H6PD: variants seen among roughly 807,000 people sequenced by gnomAD.
H6PD encodes hexose-6-phosphate dehydrogenase/glucose 1-dehydrogenase.
In H6PD, 48 loss-of-function variants were observed where a neutral mutation model predicts 61.2. The ratio of observed to expected loss-of-function variants is 0.78; its 90% confidence interval spans 0.62 to 1.00. H6PD has a LOEUF of 1.00. H6PD is among the 50% of genes least tolerant of loss of function. The pLI is 0.00. For synonymous variants in H6PD, 480 were observed against 457.9 expected, an observed-to-expected ratio of 1.05 and a Z score of -0.62; for missense variants, 1,093 against 1,065.0, an observed-to-expected ratio of 1.03 and a Z score of -0.37.
At position 9,264,852 on chromosome 1, in the gene H6PD, G is replaced by A. The variant is rs755938202; in HGVS notation, c.2359G>A (p.Asp787Asn). 67 of 1,611,850 alleles carry A rather than the reference G, an allele frequency of 4.2e-5. No homozygotes were observed. The highest frequency in any genetic ancestry group is 6.7e-5 in the Admixed American group (4 of 60,004). Residue 787 changes from aspartate to asparagine, a missense_variant, in exon 5 of 5, where the codon GAC becomes AAC. Asp to Asn is a conservative substitution (Grantham distance 23, BLOSUM62 1). Coordinates refer to ENST00000377403, the MANE Select transcript of H6PD (RefSeq NM_004285.4). ...SGQLVWYMDYDAFLG is the reference protein window; with the variant it reads ...SGQLVWYMDYNAFLG The stretch of plus-strand genomic sequence containing the variant: ...CCAGCTGGTGTGGTACATGGACTAC[G>A]ACGCCTTCCTGGGATGAGGGCGCCT...
chr1:9,263,934 G>T lies in H6PD; in HGVS notation c.1441G>T (p.Ala481Ser), dbSNP rs905462770. The change falls in exon 5 of 5, where the codon GCC (alanine) becomes TCC (serine). Residue 481 changes from alanine (A) to serine (S), a missense_variant. By Grantham distance (99) the Ala-to-Ser change is moderately conservative. Transcript: ENST00000377403. Reference protein sequence around the residue: ...NFFITTENLLASWNFWTPLLE... With the variant: ...NFFITTENLLSSWNFWTPLLE... ...CTTCATCACCACAGAGAACTTGCTG[G>T]CCTCCTGGAACTTCTGGACCCCTCT... is the stretch of plus-strand genomic sequence containing the variant. 4 of 1,614,058 alleles carry T rather than the reference G, an allele frequency of 2.5e-6. No homozygotes were observed. The highest frequency in any genetic ancestry group is 3.4e-6 in the Non-Finnish European group (4 of 1,180,036).
In H6PD at chr1:9,264,195, G is replaced by T; in HGVS notation, c.1702G>T (p.Ala568Ser). The T allele has an allele frequency of 6.2e-7, 1 of 1,611,514 alleles. No individual in the cohort carries two copies. The highest frequency in any genetic ancestry group is 8.5e-7 in the Non-Finnish European group (1 of 1,178,800). Residue 568 changes from alanine to serine, a missense_variant, in exon 5 of 5, where the codon GCT becomes TCT. Transcript: ENST00000377403. ...GTCCGAGGAGCTGATCTCTAAGCTG[G>T]CTAATGACATCGAGGCCACCGCTGT... ...AWSEELISKL[A>S]NDIEATAVRA...
rs1641457344 is a variant in H6PD at position 9,254,487 on chromosome 1, A to G, written c.745+7404A>G. On this transcript the variant is annotated intron_variant, in intron 3 of 4. Coordinates refer to ENST00000377403, the MANE Select transcript of H6PD (RefSeq NM_004285.4). The surrounding 1 kb of genome is among the most constrained non-coding windows in gnomAD (Gnocchi z 4.6). ...TCCAGCCAGTCACCAAGTAGTTTGTATTCATCTGCTATAATAACTTCTTTG... is the reference window on the plus strand; with the variant it reads ...TCCAGCCAGTCACCAAGTAGTTTGTGTTCATCTGCTATAATAACTTCTTTG... Among the ~76,000 whole-genome samples the G allele has an allele frequency of 1.3e-5, 2 of 152,226 alleles. No homozygotes were observed. The highest frequency in any genetic ancestry group is 6.5e-5 in the Admixed American group (1 of 15,284).
Position 9,244,920 on chromosome 1 carries a change from C to A in H6PD, c.-10-5C>A. On this transcript the variant is annotated splice_polypyrimidine_tract_variant and splice_region_variant and intron_variant, in intron 1 of 4. Transcript: ENST00000377403. ...GTTCCTCGTCTGTCTCTCTTTGCAC[C>A]CCAGGCACCCAGGCATGTGGAATAT... The A allele has an allele frequency of 8.5e-7, 1 of 1,182,498 alleles. No homozygotes were observed. The highest frequency in any genetic ancestry group is 1.2e-6 in the Non-Finnish European group (1 of 861,912). The allele number at this position is 1,182,498 out of a possible 1,614,324, so 73.3% of individuals were successfully genotyped here.
intron 3 of H6PD, among the ~76,000 whole-genome samples, chr1:9,255,279 A>AT (rs59531924): frequency 0.48 from 72,657 of 151,564 alleles, 18,191 homozygotes; most frequent in African/African-American, 0.64. Context: ...TTATTTATTT[A>AT]TTTTTTATTT....
intron 3 of H6PD, among the ~76,000 whole-genome samples, chr1:9,247,335 C>T (rs1425212741): frequency 1.3e-5 from 2 of 152,176 alleles, no homozygotes; most frequent in Admixed American, 6.5e-5. Context: ...ACCACTGGCA[C>T]GCGGTAGAGG....
At chr1:9,238,457 G>A (rs1188395671) in intron 1 of H6PD, among the ~76,000 whole-genome samples, 2 of 152,192 alleles carry the variant, frequency 1.3e-5, no homozygotes, top group East Asian at 1.9e-4. Context: ...TAATCCAGAC[G>A]GAGATGACGG....
At chr1:9,263,378 T>C in intron 4 of H6PD, 131 bp from the exon 5 acceptor site, 1 of 840,730 alleles carries the variant, frequency 1.2e-6, no homozygotes, top group East Asian at 2.4e-5. Flanking sequence ...AGGCGAGGGG[T>C]GAGCATGGCA....
chr1:9,248,852 C>T (rs973000874), intron 3 of H6PD, among the ~76,000 whole-genome samples: 2 of 152,236 alleles, frequency 1.3e-5, no homozygotes, highest in Non-Finnish European at 2.9e-5. Context: ...GAATCGTCCT[C>T]CAGCCCTTCC....
At chr1:9,256,838 CT>C (rs1641535740) in intron 3 of H6PD, among the ~76,000 whole-genome samples, 1 of 152,182 alleles carries the variant, frequency 6.6e-6, no homozygotes, top group Non-Finnish European at 1.5e-5. Flanking sequence ...TCATCTTACA[CT>C]TCCAAATTGT....
chr1:9,236,242 G>A (rs1640846082), intron 1 of H6PD, among the ~76,000 whole-genome samples: 3 of 151,984 alleles, frequency 2.0e-5, no homozygotes. Context: ...CCACCACCTC[G>A]GCCTCCCAAA....
chr1:9,253,310 A>G (rs1641425499), intron 3 of H6PD, among the ~76,000 whole-genome samples: 2 of 152,228 alleles, frequency 1.3e-5, no homozygotes, highest in Admixed American at 1.3e-4. Context: ...CTTTTTGAGA[A>G]TTGAGAGAGG....
At chr1:9,237,613 GGTT>G (rs1375749193) in intron 1 of H6PD, among the ~76,000 whole-genome samples, 1 of 152,138 alleles carries the variant, frequency 6.6e-6, no homozygotes, top group African/African-American at 2.4e-5. Flanking sequence ...TACCTCATAT[GGTT>G]GTGGCAAGAT....
At chr1:9,256,488 G>A (rs1183452595) in intron 3 of H6PD, among the ~76,000 whole-genome samples, 1 of 152,290 alleles carries the variant, frequency 6.6e-6, no homozygotes, top group South Asian at 2.1e-4. Context: ...TTCAGGGCAG[G>A]TTGTTCCCCC....
chr1:9,234,946 G>A lies in H6PD; in HGVS notation c.-131G>A, dbSNP rs1302494445. The A allele has an allele frequency of 6.8e-6, 1 of 147,928 alleles. No individual in the cohort carries two copies. The highest frequency in any genetic ancestry group is 2.0e-4 in the East Asian group (1 of 5,122). The allele number at this position is 147,928 out of a possible 1,614,324, so 9.2% of individuals were successfully genotyped here. ...TGACACGCGCACTTGTCGGAGTGACGGGCCCTGCGGAAGAGGAGGTGCGGC... is the reference window on the plus strand; with the variant it reads ...TGACACGCGCACTTGTCGGAGTGACAGGCCCTGCGGAAGAGGAGGTGCGGC... On this transcript the variant is annotated 5_prime_UTR_variant, in exon 1 of 5. Transcript: ENST00000377403.
Position 9,269,605 on chromosome 1 carries a change from C to T in H6PD, c.*4736C>T, listed in dbSNP as rs939915416. 1 of 152,306 alleles carries T rather than the reference C, an allele frequency of 6.6e-6. No homozygotes were observed. The highest frequency in any genetic ancestry group is 2.4e-5 in the African/African-American group (1 of 41,462). The allele number at this position is 152,306 out of a possible 1,614,324, so 9.4% of individuals were successfully genotyped here. On this transcript the variant is annotated 3_prime_UTR_variant, in exon 5 of 5. Coordinates refer to ENST00000377403, the MANE Select transcript of H6PD (RefSeq NM_004285.4). This position sits in a 1 kb window ranked among gnomAD's most constrained non-coding sequence, Gnocchi z 4.3. ...GGTGTCAGTCGGCACAGTCCAGTGT[C>T]CATCTGCATTTGCTCATGCAGAGGG...
intron 3 of H6PD, among the ~76,000 whole-genome samples, chr1:9,259,600 AC>A (rs1570115587): frequency 6.6e-6 from 1 of 151,774 alleles, no homozygotes; most frequent in Non-Finnish European, 1.5e-5. Context: ...CAGTGTTGTT[AC>A]GTTGCTGTTA....
rs532320950 is a variant in H6PD at position 9,260,502 on chromosome 1, C to T, written c.746-1557C>T. Among the ~76,000 whole-genome samples the T allele has an allele frequency of 7.0e-4, 105 of 151,004 alleles. 2 individuals are homozygous for T. The South Asian group carries it at 0.022, about 31-fold the overall frequency. On this transcript the variant is annotated intron_variant, in intron 3 of 4. Coordinates refer to ENST00000377403, the MANE Select transcript of H6PD (RefSeq NM_004285.4). ...TGTTGCTGTTACGCCAGTGTTGTTA[C>T]GTTGCTGTTGTTACACCAGTGTTGT...
At chr1:9,252,980 A>G (rs1322987368) in intron 3 of H6PD, among the ~76,000 whole-genome samples, 1 of 152,208 alleles carries the variant, frequency 6.6e-6, no homozygotes, top group Non-Finnish European at 1.5e-5. Context: ...CAACCCGGGA[A>G]AATACACTAG....
Sources: gnomAD v4.1 joint callset for allele counts (sites outside exome capture counted in the v4.1 genomes callset) on GRCh38, gnomAD v4.1.1 for gene constraint, Gnocchi (gnomAD v3.1) non-coding constraint, MANE v1.5 for transcripts, NCBI Gene and HGNC (gene_info 2026-07-23, HGNC 2026-07-21) for gene names.